GNAQ: variants seen among roughly 807,000 people sequenced by gnomAD.
GNAQ encodes the protein guanine nucleotide-binding protein G(q) subunit alpha.
Under a neutral mutation model 43.9 loss-of-function variants are expected in GNAQ, and 8 were observed. The observed-to-expected ratio is 0.18, with a 90% CI of 0.11 to 0.33. The LOEUF (loss-of-function observed/expected upper bound fraction) is 0.33, where lower values mean the gene tolerates loss of function less well. Among genes scored for constraint, GNAQ ranks in the 10% least tolerant of loss-of-function variants. GNAQ has a pLI of 1.00. For missense variants in GNAQ, 158 were observed against 450.8 expected (o/e 0.35, Z 5.88); for synonymous variants, 155 against 170.7 (o/e 0.91, Z 0.71).
intron 3 of GNAQ, among the ~76,000 whole-genome samples, chr9:77,810,166 TCTAC>T (rs1203458113): frequency 3.9e-5 from 6 of 152,310 alleles, no homozygotes; most frequent in Non-Finnish European, 5.9e-5. Context: ...GATTCATCTA[TCTAC>T]CTATCTATCC....
chr9:77,895,879 T>C (rs904101034), intron 2 of GNAQ, among the ~76,000 whole-genome samples: 27 of 152,114 alleles, frequency 1.8e-4, no homozygotes, highest in Admixed American at 1.8e-3. Context: ...TCTGCTGCCA[T>C]CCACGTAAGA....
intron 1 of GNAQ, among the ~76,000 whole-genome samples, chr9:78,012,118 G>C (rs1347864925): frequency 6.6e-6 from 1 of 152,102 alleles, no homozygotes. Flanking sequence ...TATCTGCTGG[G>C]AAACAATGGA....
chr9:77,803,686 A>G (rs552017271), intron 3 of GNAQ, among the ~76,000 whole-genome samples: 6 of 152,218 alleles, frequency 3.9e-5, no homozygotes, highest in Non-Finnish European at 7.3e-5. Context: ...TGGGGAAATA[A>G]GGGTTACATA....
chr9:77,961,851 A>G (rs1234396533), intron 1 of GNAQ, among the ~76,000 whole-genome samples: 2 of 152,246 alleles, frequency 1.3e-5, no homozygotes, highest in African/African-American at 2.4e-5. Flanking sequence ...AAGGTGACCC[A>G]TAACTCCAAG....
At chr9:77,857,798 G>GC (rs1827783178) in intron 2 of GNAQ, among the ~76,000 whole-genome samples, 1 of 151,170 alleles carries the variant, frequency 6.6e-6, no homozygotes, top group African/African-American at 2.4e-5. Flanking sequence ...TTTTTTCAAG[G>GC]CCATTTTCTT....
intron 2 of GNAQ, among the ~76,000 whole-genome samples, chr9:77,902,169 G>A (rs566581989): frequency 8.3e-4 from 127 of 152,248 alleles, no homozygotes; most frequent in African/African-American, 3.0e-3. Context: ...AAACTCACTG[G>A]CTGATGCAAA....
At chr9:77,966,883 T>C (rs1033960770) in intron 1 of GNAQ, among the ~76,000 whole-genome samples, 6 of 152,208 alleles carry the variant, frequency 3.9e-5, no homozygotes, top group South Asian at 2.1e-4. Context: ...CCTTTTCCTC[T>C]GGGCTGCCCA....
chr9:77,725,578 G>GT (rs1323189336), intron 6 of GNAQ, among the ~76,000 whole-genome samples: 477 of 18,422 alleles, frequency 0.026, 8 homozygotes, highest in African/African-American at 0.074. Context: ...TAAGGTAACA[G>GT]TAAAAAAAAA....
intron 2 of GNAQ, among the ~76,000 whole-genome samples, chr9:77,898,308 C>T (rs1439630917): frequency 1.3e-5 from 2 of 152,140 alleles, no homozygotes; most frequent in African/African-American, 4.8e-5. Flanking sequence ...TTAAATCAAC[C>T]CAAAGCTTTG....
At chr9:77,862,219 T>C (rs1827866442) in intron 2 of GNAQ, among the ~76,000 whole-genome samples, 1 of 151,680 alleles carries the variant, frequency 6.6e-6, no homozygotes, top group Admixed American at 6.6e-5. Flanking sequence ...TCCACTAGGA[T>C]CTCTTCTCAC....
chr9:77,899,589 A>G (rs1339836509), intron 2 of GNAQ, among the ~76,000 whole-genome samples: 1 of 151,678 alleles, frequency 6.6e-6, no homozygotes, highest in African/African-American at 2.4e-5. Context: ...CATGACTAGG[A>G]AAAAAAAGGA....
At chr9:77,923,921 T>C (rs1169310236) in intron 1 of GNAQ, among the ~76,000 whole-genome samples, 2 of 152,220 alleles carry the variant, frequency 1.3e-5, no homozygotes, top group East Asian at 3.8e-4. Flanking sequence ...ATTTCATTAC[T>C]ATCTTTATAA....
At chr9:77,982,129 C>T (rs1823375922) in intron 1 of GNAQ, among the ~76,000 whole-genome samples, 2 of 152,170 alleles carry the variant, frequency 1.3e-5, no homozygotes, top group African/African-American at 2.4e-5. Flanking sequence ...CCTATGACTA[C>T]CATTACTGGT....
chr9:78,020,423 T>C (rs1823894246), intron 1 of GNAQ, among the ~76,000 whole-genome samples: 4 of 152,168 alleles, frequency 2.6e-5, no homozygotes, highest in Admixed American at 6.5e-5. Context: ...TGCTCACCTA[T>C]TTAACCACCT....
At chr9:77,792,684 C>T (rs1336761244) in intron 5 of GNAQ, among the ~76,000 whole-genome samples, 1 of 151,958 alleles carries the variant, frequency 6.6e-6, no homozygotes, top group Non-Finnish European at 1.5e-5. Context: ...TATACTTCTT[C>T]ATATATATAT....
At chr9:77,851,071 G>A (rs1211167047) in intron 2 of GNAQ, among the ~76,000 whole-genome samples, 1 of 152,206 alleles carries the variant, frequency 6.6e-6, no homozygotes, top group African/African-American at 2.4e-5. Context: ...TCACAGGTGT[G>A]TCTAATTTCA....
At chr9:77,756,720 A>G (rs1176915260) in intron 5 of GNAQ, among the ~76,000 whole-genome samples, 2 of 152,218 alleles carry the variant, frequency 1.3e-5, no homozygotes, top group African/African-American at 4.8e-5. Context: ...ATAGCAGCTG[A>G]GTTGTCCCCT....
At chr9:77,919,456 G>GC (rs1828963510) in intron 2 of GNAQ, among the ~76,000 whole-genome samples, 1 of 152,044 alleles carries the variant, frequency 6.6e-6, no homozygotes, top group Non-Finnish European at 1.5e-5. Flanking sequence ...GGATTACTTA[G>GC]CACTATGAGG....
At chr9:77,845,502 A>G (rs778228149) in intron 2 of GNAQ, among the ~76,000 whole-genome samples, 5 of 152,218 alleles carry the variant, frequency 3.3e-5, no homozygotes, top group Non-Finnish European at 5.9e-5. Flanking sequence ...TATTATTTTA[A>G]AAGTAATTTC....
Sources: allele counts gnomAD v4.1 joint callset (sites outside exome capture counted in the v4.1 genomes callset), GRCh38; gene constraint gnomAD v4.1.1; transcripts MANE v1.5; gene names NCBI Gene and HGNC (gene_info 2026-07-23, HGNC 2026-07-21).